KLHL14: variants seen among roughly 807,000 people sequenced by gnomAD.
KLHL14 encodes the protein kelch like family member 14, also known as kelch-like protein 14.
A neutral mutation model predicts 64.3 loss-of-function variants in KLHL14; 22 were observed. That is an observed-to-expected ratio of 0.34 (90% CI 0.24 to 0.49). The LOEUF is 0.49. Ranked by LOEUF, KLHL14 falls within the 20% of genes least tolerant of loss-of-function variation. The pLI is 0.99. For synonymous variants in KLHL14, 322 were observed against 333.4 expected (o/e 0.97, Z 0.37); for missense variants, 661 against 789.0 (o/e 0.84, Z 1.94).
intron 2 of KLHL14, among the ~76,000 whole-genome samples, chr18:32,750,394 T>C (rs1216996154): frequency 6.6e-6 from 1 of 152,204 alleles, no homozygotes; most frequent in Non-Finnish European, 1.5e-5. Flanking sequence ...TGTGTAATTA[T>C]TAACTTTACA....
chr18:32,760,813 C>T (rs955323204), intron 2 of KLHL14, among the ~76,000 whole-genome samples: 26 of 152,280 alleles, frequency 1.7e-4, no homozygotes, highest in Admixed American at 7.2e-4. Context: ...ATAACTCAAC[C>T]GGCCATCATT....
intron 5 of KLHL14, among the ~76,000 whole-genome samples, chr18:32,686,005 T>A (rs2049875558): frequency 6.7e-6 from 1 of 148,590 alleles, no homozygotes; most frequent in Non-Finnish European, 1.5e-5. Flanking sequence ...TGATTCCCTT[T>A]TTCTTTCTTT....
chr18:32,674,708 G>A lies in KLHL14; in HGVS notation c.1836C>T (p.Gly612=). The A allele has an allele frequency of 1.3e-6, 1 of 780,900 alleles. No homozygotes were observed. Among genetic ancestry groups the A allele is most frequent in the Non-Finnish European group, 2.4e-6 (1 of 418,028 alleles). The allele number at this position is 780,900 out of a possible 1,614,324, so 48.4% of individuals were successfully genotyped here. Residue 612 remains glycine, a synonymous_variant, in exon 9 of 9, where the codon GGC becomes GGT. Transcript: ENST00000359358. ...LEGDVAEPLA[G]PACVTVILPS... ...GCAGAATAACTGTCACACAGGCAGG[G>A]CCTGCCAACGGTTCTGCTACATCTC...
chr18:32,763,572 AG>A (rs779245001), intron 2 of KLHL14, among the ~76,000 whole-genome samples: 2 of 152,308 alleles, frequency 1.3e-5, no homozygotes, highest in Non-Finnish European at 2.9e-5. Context: ...AAAGGCTTAA[AG>A]GGTGCTGTAA....
At chr18:32,741,904 T>C (rs1367552926) in intron 3 of KLHL14, 24 bp downstream of exon 3, 1 of 1,520,176 alleles carries the variant, frequency 6.6e-7, no homozygotes, top group South Asian at 1.3e-5. Flanking sequence ...GGTGAGTGAA[T>C]AAATAAATAA....
chr18:32,678,163 G>T (rs2049820399), intron 7 of KLHL14, among the ~76,000 whole-genome samples: 1 of 152,088 alleles, frequency 6.6e-6, no homozygotes, highest in Non-Finnish European at 1.5e-5. Context: ...TTAAGTTCCT[G>T]GTCTCTACTG....
intron 2 of KLHL14, among the ~76,000 whole-genome samples, chr18:32,762,056 CT>C (rs1357213028): frequency 2.0e-5 from 3 of 151,920 alleles, no homozygotes; most frequent in Non-Finnish European, 2.9e-5. Flanking sequence ...AACTCCGAGA[CT>C]TCTGAAACTA....
At chr18:32,690,058 C>A (rs544931608) in intron 4 of KLHL14, among the ~76,000 whole-genome samples, 1 of 151,908 alleles carries the variant, frequency 6.6e-6, no homozygotes, top group African/African-American at 2.4e-5. Context: ...TAGGTTTAAC[C>A]AGGACTAGTA....
intron 4 of KLHL14, among the ~76,000 whole-genome samples, chr18:32,691,607 G>A (rs1227175785): frequency 5.9e-5 from 9 of 152,124 alleles, no homozygotes; most frequent in East Asian, 3.9e-4. Context: ...GAAGGAAGGC[G>A]TTCTGGAGGT....
In KLHL14 at chr18:32,769,700, T is replaced by C. The variant is rs748066837; in HGVS notation, c.892A>G (p.Met298Val). The change falls in exon 2 of 9, where the codon ATG (methionine) becomes GTG (valine). Residue 298 changes from methionine (M) to valine (V), a missense_variant. Physicochemically the swap from Met to Val is conservative, Grantham distance 21. This residue lies in a region of KLHL14 where 330 missense variants were observed against 450.0 expected (regional missense o/e 0.73). Coordinates refer to ENST00000359358, the MANE Select transcript of KLHL14 (RefSeq NM_020805.3). Reference protein sequence around the residue: ...PVCQKLLLDAMNYHLMPFRQH... With the variant: ...PVCQKLLLDAVNYHLMPFRQH... ...CTGAAGGGCATCAGGTGGTAGTTCA[T>C]GGCGTCCAGCAGCAGCTTCTGGCAG... is the stretch of plus-strand genomic sequence containing the variant. 2 of 1,569,012 alleles carry C rather than the reference T, an allele frequency of 1.3e-6. No homozygotes were observed. Among genetic ancestry groups the C allele is most frequent in the Non-Finnish European group, 1.7e-6 (2 of 1,155,102 alleles).
intron 4 of KLHL14, among the ~76,000 whole-genome samples, chr18:32,691,906 A>T (rs1408753124): frequency 6.6e-6 from 1 of 152,032 alleles, no homozygotes; most frequent in African/African-American, 2.4e-5. Context: ...ATGTGATTAT[A>T]TGGGGCAAAG....
intron 3 of KLHL14, among the ~76,000 whole-genome samples, chr18:32,696,116 AC>A (rs796645283): frequency 2.6e-5 from 4 of 152,342 alleles, no homozygotes; most frequent in African/African-American, 9.6e-5. Flanking sequence ...CCAAATGTAT[AC>A]GCTTAATATC....
chr18:32,706,007 G>A (rs1265931762), intron 3 of KLHL14, among the ~76,000 whole-genome samples: 1 of 152,200 alleles, frequency 6.6e-6, no homozygotes, highest in African/African-American at 2.4e-5. Flanking sequence ...AGAACTGTGA[G>A]CAATAACTTT....
chr18:32,766,790 T>C (rs2050348123), intron 2 of KLHL14, among the ~76,000 whole-genome samples: 3 of 152,136 alleles, frequency 2.0e-5, no homozygotes. Flanking sequence ...CATTTTATAT[T>C]AATTTGAGTA....
chr18:32,707,634 T>A (rs1044248479), intron 3 of KLHL14, among the ~76,000 whole-genome samples: 9 of 152,176 alleles, frequency 5.9e-5, no homozygotes, highest in Non-Finnish European at 1.3e-4. Flanking sequence ...CAGCCCCCAA[T>A]AAAACCCCTG....
At chr18:32,693,883 C>G (rs1022006196) in intron 4 of KLHL14, among the ~76,000 whole-genome samples, 2 of 152,200 alleles carry the variant, frequency 1.3e-5, no homozygotes, top group African/African-American at 4.8e-5. Flanking sequence ...GGAATATGTC[C>G]TTTCAACTCT....
chr18:32,716,804 G>T (rs2050048178), intron 3 of KLHL14, among the ~76,000 whole-genome samples: 1 of 152,024 alleles, frequency 6.6e-6, no homozygotes, highest in African/African-American at 2.4e-5. Flanking sequence ...CCTTTTCATT[G>T]TTTTATACCT....
chr18:32,710,174 G>A (rs980594858), intron 3 of KLHL14, among the ~76,000 whole-genome samples: 2 of 152,140 alleles, frequency 1.3e-5, no homozygotes, highest in Admixed American at 1.3e-4. Context: ...CAAACAAACT[G>A]TAAAAGGTTG....
intron 4 of KLHL14, among the ~76,000 whole-genome samples, chr18:32,690,873 G>A (rs2049904183): frequency 1.3e-5 from 2 of 152,150 alleles, no homozygotes; most frequent in East Asian, 3.9e-4. Context: ...AGTTTGGATG[G>A]TTAGGTTGAG....
Sources: allele counts gnomAD v4.1 joint callset (sites outside exome capture counted in the v4.1 genomes callset), GRCh38; gene constraint gnomAD v4.1.1; regional missense constraint gnomAD v4.1.1; transcripts MANE v1.5; gene names NCBI Gene and HGNC (gene_info 2026-07-23, HGNC 2026-07-21).